CPAMD8: variants seen among roughly 807,000 people sequenced by gnomAD.
CPAMD8 encodes C3 and PZP-like alpha-2-macroglobulin domain-containing protein 8.
Under a neutral mutation model 224.7 loss-of-function variants are expected in CPAMD8, and 146 were observed. The ratio of observed to expected loss-of-function variants is 0.65; its 90% CI spans 0.57 to 0.75. The LOEUF is 0.75. Ranked by LOEUF, CPAMD8 falls within the 30% of genes least tolerant of loss-of-function variation. The pLI, the probability that CPAMD8 is intolerant of heterozygous loss-of-function variation, is 0.00. For synonymous variants in CPAMD8, 966 were observed against 1,044.6 expected, an observed-to-expected ratio of 0.92 and a Z score of 1.45; for missense variants, 2,301 against 2,537.5, an observed-to-expected ratio of 0.91 and a Z score of 2.00.
chr19:16,953,496 T>C (rs1017687578), intron 19 of CPAMD8, among the ~76,000 whole-genome samples: 1 of 151,302 alleles, frequency 6.6e-6, no homozygotes, highest in African/African-American at 2.4e-5. Flanking sequence ...GCCCAGGAGT[T>C]TGAGACCAGC....
intron 22 of CPAMD8, among the ~76,000 whole-genome samples, chr19:16,944,525 C>A (rs551330862): frequency 4.6e-5 from 7 of 152,304 alleles, no homozygotes; most frequent in African/African-American, 1.7e-4. Context: ...GGGCTCGCTG[C>A]CTCCTTCTTG....
chr19:16,900,400 C>G (rs2052203827), intron 36 of CPAMD8, among the ~76,000 whole-genome samples: 1 of 152,020 alleles, frequency 6.6e-6, no homozygotes, highest in African/African-American at 2.4e-5. Flanking sequence ...GAGTTTGAGA[C>G]CAGCCTGACC....
chr19:17,007,842 G>C (rs776444104), intron 7 of CPAMD8, among the ~76,000 whole-genome samples: 19 of 152,228 alleles, frequency 1.2e-4, no homozygotes, highest in South Asian at 6.2e-4. Context: ...CATGCAATGG[G>C]GATGATAAAA....
chr19:16,954,318 G>A (rs962832463), intron 19 of CPAMD8, among the ~76,000 whole-genome samples: 2 of 149,768 alleles, frequency 1.3e-5, no homozygotes, highest in African/African-American at 4.9e-5. Context: ...GGGTGACAGA[G>A]CGAGACTCTA....
At chr19:16,977,265 G>A (rs1050078275) in intron 15 of CPAMD8, 103 bp downstream of exon 15, 29 of 718,328 alleles carry the variant, frequency 4.0e-5, no homozygotes, top group Non-Finnish European at 5.1e-5. Flanking sequence ...ATCATGCTGC[G>A]ACACAACATG....
chr19:16,921,809 CA>C, intron 27 of CPAMD8, 95 bp downstream of exon 27: 1 of 751,308 alleles, frequency 1.3e-6, no homozygotes, highest in Non-Finnish European at 2.2e-6. Flanking sequence ...ATCCGGGGAT[CA>C]GGCGCCAAGT....
intron 25 of CPAMD8, 112 bp downstream of exon 25, chr19:16,927,897 G>A (rs988544781): frequency 6.6e-6 from 5 of 762,892 alleles, no homozygotes; most frequent in South Asian, 3.1e-5. Flanking sequence ...TGTATGGGTG[G>A]ACACCCCAAG....
At chr19:16,942,908 C>T (rs2053948096) in intron 22 of CPAMD8, among the ~76,000 whole-genome samples, 10 of 152,192 alleles carry the variant, frequency 6.6e-5, no homozygotes, top group Admixed American at 5.9e-4. Flanking sequence ...CTGTGCTTCA[C>T]TCCTTTCGGC....
At chr19:16,914,585 A>C in intron 28 of CPAMD8, 72 bp downstream of exon 28, 3 of 1,612,018 alleles carry the variant, frequency 1.9e-6, no homozygotes, top group Non-Finnish European at 1.7e-6. Flanking sequence ...AGGGAGTAGG[A>C]ACAGGCAGGT....
chr19:16,893,808 C>T lies in CPAMD8; in HGVS notation c.5427-469G>A, dbSNP rs111345173. 6 of 160,306 alleles carry T rather than the reference C, an allele frequency of 3.7e-5. No homozygotes were observed. In the East Asian group the frequency reaches 9.0e-4, roughly 24 times the overall value. The allele number at this position is 160,306 out of a possible 1,614,324, so 9.9% of individuals were successfully genotyped here. A position where few individuals can be genotyped will look rare whatever the true frequency, so the allele number is the denominator to read the frequency against. On this transcript the variant is annotated intron_variant, in intron 41 of 41. Transcript: ENST00000443236. ...ATTTGCTGAGAGCCATCTGCTTCCC[C>T]GCAGGGCCTTGTGATGTGAGCCCGA...
intron 22 of CPAMD8, among the ~76,000 whole-genome samples, chr19:16,943,002 T>C (rs1233086297): frequency 2.1e-5 from 3 of 141,060 alleles, no homozygotes; most frequent in Non-Finnish European, 4.5e-5. Context: ...TTTTTCTTTT[T>C]TCTTTTTTCT....
chr19:16,909,851 CG>C (rs932287932), intron 29 of CPAMD8, among the ~76,000 whole-genome samples: 3 of 152,008 alleles, frequency 2.0e-5, no homozygotes, highest in Non-Finnish European at 2.9e-5. Context: ...CTGATCGGCA[CG>C]GGAGTTTTTG....
intron 18 of CPAMD8, among the ~76,000 whole-genome samples, chr19:16,969,500 C>G (rs1321339885): frequency 6.6e-6 from 1 of 152,204 alleles, no homozygotes; most frequent in Non-Finnish European, 1.5e-5. Context: ...TCTTAACCTC[C>G]GAGGTGATGG....
Position 16,898,138 on chromosome 19 carries a change from A to G in CPAMD8, c.4849-144T>C, listed in dbSNP as rs578192374. ...TGATCCCATTTTCTTTTTTTCTTTT[A>G]CTTTTCTTTTTTTTTTTTTTTCCTG... On this transcript the variant is annotated intron_variant, in intron 37 of 41. Coordinates refer to ENST00000443236, the MANE Select transcript of CPAMD8 (RefSeq NM_015692.5). This position sits in a 1 kb window ranked among gnomAD's most constrained non-coding sequence, Gnocchi z 4.2. 5.3e-6 allele frequency: 3 copies of G among 566,084 alleles called. No individual in the cohort carries two copies. Among genetic ancestry groups the G allele is most frequent in the Non-Finnish European group, 9.1e-6 (3 of 331,204 alleles). The allele number at this position is 566,084 out of a possible 1,614,324, so 35.1% of individuals were successfully genotyped here.
intron 8 of CPAMD8, among the ~76,000 whole-genome samples, chr19:17,003,616 A>C (rs1377784348): frequency 6.6e-6 from 1 of 151,430 alleles, no homozygotes; most frequent in Non-Finnish European, 1.5e-5. Flanking sequence ...CCCTGTCTCT[A>C]CTAATACAAA....
At position 16,953,575 on chromosome 19, in the gene CPAMD8, C is replaced by A. The variant is rs565971028; in HGVS notation, c.2277-1375G>T. Among the ~76,000 whole-genome samples the A allele has an allele frequency of 2.7e-4, 40 of 150,894 alleles. No homozygotes were observed. The Middle Eastern group carries it at 0.014, about 51-fold the overall frequency. On this transcript the variant is annotated intron_variant, in intron 19 of 41. Transcript: ENST00000443236. Reference sequence around the variant, plus strand: ...ATTTAGCCAGGAGTGGTGGTGTGTACCTGTAGACCCAGCTACTTGGGAGGC... The same window carrying A: ...ATTTAGCCAGGAGTGGTGGTGTGTAACTGTAGACCCAGCTACTTGGGAGGC...
rs141604047 is a variant in CPAMD8, at chr19:16,956,728, C to T, written c.2276+1125G>A. Among the ~76,000 whole-genome samples, 594 of 151,878 alleles carry T rather than the reference C, an allele frequency of 3.9e-3. 3 individuals are homozygous for T. Among genetic ancestry groups the T allele is most frequent in the Middle Eastern group, 0.01 (3 of 294 alleles). ...TGTCACCCAGGCTGGAGAGCAGTGG[C>T]GCCATCTTGGCTCACTGCAACCTCC... is the stretch of plus-strand genomic sequence containing the variant. On this transcript the variant is annotated intron_variant, in intron 19 of 41. Coordinates refer to ENST00000443236, the MANE Select transcript of CPAMD8 (RefSeq NM_015692.5).
chr19:16,948,365 A>C (rs2054174699), intron 20 of CPAMD8, among the ~76,000 whole-genome samples: 2 of 152,156 alleles, frequency 1.3e-5, no homozygotes, highest in Non-Finnish European at 1.5e-5. Context: ...TGACAAAGGA[A>C]AGGCCCAGCT....
Position 16,975,164 on chromosome 19 carries a change from CGTT to C in CPAMD8, c.2000_2002del (p.Gln667del), listed in dbSNP as rs1009483227. Reference sequence around the variant, plus strand: ...CGGGAAGACAGAGGAGCGCCGGCGTCGTTGTGCCGTCAGCCCAGCCCACCAAAA... The same window carrying C: ...CGGGAAGACAGAGGAGCGCCGGCGTCGTGCCGTCAGCCCAGCCCACCAAAA... On this transcript the variant is annotated inframe_deletion, in exon 17 of 42. Coordinates refer to ENST00000443236, the MANE Select transcript of CPAMD8 (RefSeq NM_015692.5). 1 of 1,612,406 alleles carries C rather than the reference CGTT, an allele frequency of 6.2e-7. No homozygotes were observed. Among genetic ancestry groups the C allele is most frequent in the Non-Finnish European group, 8.5e-7 (1 of 1,179,418 alleles).
Sources: allele counts gnomAD v4.1 joint callset (sites outside exome capture counted in the v4.1 genomes callset), GRCh38; gene constraint gnomAD v4.1.1; non-coding constraint Gnocchi (gnomAD v3.1); transcripts MANE v1.5; gene names NCBI Gene and HGNC (gene_info 2026-07-23, HGNC 2026-07-21).